The following SUGCT variants were observed in gnomAD, a reference collection of about 807,000 sequenced individuals.
SUGCT encodes the protein succinyl-CoA:glutarate CoA-transferase.
SUGCT carries 41 observed loss-of-function variants against 55.0 expected under a neutral mutation model. The ratio of observed to expected loss-of-function variants is 0.74; its 90% confidence interval spans 0.58 to 0.97. SUGCT has a LOEUF of 0.97. SUGCT is among the 50% of genes least tolerant of loss of function. SUGCT has a pLI of 0.00. For synonymous variants in SUGCT, 187 were observed against 200.4 expected (o/e 0.93, Z 0.56); for missense variants, 568 against 547.8 (o/e 1.04, Z -0.37).
intron 8 of SUGCT, among the ~76,000 whole-genome samples, chr7:40,314,589 A>T (rs1222986422): frequency 2.1e-4 from 22 of 103,710 alleles, no homozygotes; most frequent in Admixed American, 9.2e-4. Flanking sequence ...TTTAAGACAG[A>T]GTTTCGCTCT....
chr7:40,516,619 G>T (rs1449946472), intron 12 of SUGCT, among the ~76,000 whole-genome samples: 2 of 152,006 alleles, frequency 1.3e-5, no homozygotes, highest in Admixed American at 1.3e-4. Flanking sequence ...CCATTAAATT[G>T]TTCTGGCACC....
At chr7:40,793,852 T>G (rs536292287) in intron 13 of SUGCT, among the ~76,000 whole-genome samples, 1 of 152,206 alleles carries the variant, frequency 6.6e-6, no homozygotes, top group East Asian at 1.9e-4. Flanking sequence ...CAGTTCTGTT[T>G]GGCAGTTCAC....
At chr7:40,189,512 T>A (rs1483541511) in intron 4 of SUGCT, 32 bp from the exon 5 acceptor site, 21 of 785,810 alleles carry the variant, frequency 2.7e-5, no homozygotes, top group Non-Finnish European at 3.5e-5. Context: ...GTCATCGAAA[T>A]AATATATATA....
intron 12 of SUGCT, among the ~76,000 whole-genome samples, chr7:40,598,604 G>A (rs1798141526): frequency 6.6e-6 from 1 of 152,232 alleles, no homozygotes; most frequent in African/African-American, 2.4e-5. Context: ...TCCAGAGTGA[G>A]AATGAGCATG....
At chr7:40,927,052 CAT>C in the SUGCT span, among the ~76,000 whole-genome samples, 4 of 152,086 alleles carry the variant, frequency 2.6e-5, no homozygotes, top group Non-Finnish European at 5.9e-5. Flanking sequence ...ATATGGGAAA[CAT>C]ATTTTGTGAC....
chr7:41,004,431 G>T, the SUGCT span, among the ~76,000 whole-genome samples: 2 of 152,308 alleles, frequency 1.3e-5, no homozygotes, highest in South Asian at 4.1e-4. Context: ...TAAGCAGGGT[G>T]GGCAGAAGAA....
At chr7:40,792,673 AAC>A (rs1164544988) in intron 13 of SUGCT, among the ~76,000 whole-genome samples, 2 of 152,106 alleles carry the variant, frequency 1.3e-5, no homozygotes, top group Non-Finnish European at 2.9e-5. Flanking sequence ...CAATCATGGG[AAC>A]ACGAATAGCA....
intron 6 of SUGCT, among the ~76,000 whole-genome samples, chr7:40,235,122 TA>T (rs1209282043): frequency 4.6e-5 from 7 of 152,238 alleles, no homozygotes; most frequent in East Asian, 1.9e-4. Context: ...CACCTTTTTT[TA>T]ATCATCAATA....
intron 6 of SUGCT, 149 bp downstream of exon 6, chr7:40,195,209 T>A: frequency 1.4e-6 from 1 of 693,624 alleles, no homozygotes; most frequent in Non-Finnish European, 2.1e-6. Context: ...CTGAACTTAC[T>A]TTTTTCTTTT....
At chr7:40,358,885 CTATT>C in intron 9 of SUGCT, among the ~76,000 whole-genome samples, 1 of 152,154 alleles carries the variant, frequency 6.6e-6, no homozygotes, top group Non-Finnish European at 1.5e-5. Context: ...ATAGGCTAGA[CTATT>C]TATACAACAT....
At chr7:40,539,380 G>A (rs1794549508) in intron 12 of SUGCT, 1 of 152,118 alleles carries the variant, frequency 6.6e-6, no homozygotes, top group Non-Finnish European at 1.5e-5. Flanking sequence ...GGAAAAGATG[G>A]GTAGGAATAA....
chr7:40,971,120 C>T, the SUGCT span, among the ~76,000 whole-genome samples: 9 of 152,166 alleles, frequency 5.9e-5, no homozygotes, highest in Admixed American at 1.3e-4. Context: ...GCTTGGCTGC[C>T]GGGGATGCCT....
intron 12 of SUGCT, among the ~76,000 whole-genome samples, chr7:40,629,541 G>A (rs549071512): frequency 2.6e-5 from 4 of 152,200 alleles, no homozygotes; most frequent in South Asian, 2.1e-4. Flanking sequence ...GCTGGATAAC[G>A]GCAGGAGGAG....
chr7:40,376,375 A>T (rs1784543925), intron 9 of SUGCT, among the ~76,000 whole-genome samples: 1 of 151,114 alleles, frequency 6.6e-6, no homozygotes, highest in Non-Finnish European at 1.5e-5. Context: ...TGCAATTTTT[A>T]TCTAATGTAT....
intron 9 of SUGCT, among the ~76,000 whole-genome samples, chr7:40,349,115 C>T (rs1175100967): frequency 6.6e-6 from 1 of 152,134 alleles, no homozygotes; most frequent in Non-Finnish European, 1.5e-5. Flanking sequence ...CTGATGTTTG[C>T]TGGCAAACAA....
chr7:40,702,634 C>T (rs889829927), intron 12 of SUGCT, among the ~76,000 whole-genome samples: 4 of 152,144 alleles, frequency 2.6e-5, no homozygotes, highest in African/African-American at 4.8e-5. Context: ...CTTTAGGGGT[C>T]GACCTACTGT....
chr7:40,602,184 A>G (rs1584105200), intron 12 of SUGCT, among the ~76,000 whole-genome samples: 1 of 152,212 alleles, frequency 6.6e-6, no homozygotes, highest in African/African-American at 2.4e-5. Flanking sequence ...ATGGTTATAT[A>G]CTTAAGCCAT....
intron 12 of SUGCT, among the ~76,000 whole-genome samples, chr7:40,503,116 T>A (rs1421032526): frequency 1.3e-5 from 2 of 152,060 alleles, no homozygotes; most frequent in Non-Finnish European, 2.9e-5. Flanking sequence ...GCTTGGTTTT[T>A]TTGAGGGAGT....
chr7:40,603,290 A>G (rs1285341921), intron 12 of SUGCT, among the ~76,000 whole-genome samples: 1 of 152,250 alleles, frequency 6.6e-6, no homozygotes, highest in African/African-American at 2.4e-5. Flanking sequence ...TGACAAATGC[A>G]TAATGATAGC....
Sources: allele counts gnomAD v4.1 joint callset (sites outside exome capture counted in the v4.1 genomes callset), GRCh38; gene constraint gnomAD v4.1.1; transcripts MANE v1.5; gene names NCBI Gene and HGNC (gene_info 2026-07-23, HGNC 2026-07-21).